The following ARHGAP8 variants were observed in gnomAD, a reference collection of about 807,000 sequenced individuals.
The protein encoded by ARHGAP8 is rho GTPase-activating protein 8.
A neutral mutation model predicts 46.1 loss-of-function variants in ARHGAP8; 62 were observed. The ratio of observed to expected loss-of-function variants is 1.34; its 90% CI spans 1.10 to 1.66. The LOEUF (loss-of-function observed/expected upper bound fraction) is 1.66. Ranked by LOEUF, ARHGAP8 falls within the 40% of genes most tolerant of loss-of-function variation. ARHGAP8 has a pLI of 0.00. For missense variants in ARHGAP8, 923 were observed against 568.4 expected, an observed-to-expected ratio of 1.62 and a Z score of -6.34; for synonymous variants, 375 against 243.1, an observed-to-expected ratio of 1.54 and a Z score of -5.05.
chr22:44,790,756 G>A (rs1349207369), intron 2 of ARHGAP8, among the ~76,000 whole-genome samples: 1 of 144,144 alleles, frequency 6.9e-6, no homozygotes. Context: ...TTTTGGAGAC[G>A]GAGTCTTGCA....
intron 7 of ARHGAP8, among the ~76,000 whole-genome samples, chr22:44,839,787 C>T (rs893092723): frequency 6.6e-6 from 1 of 152,238 alleles, no homozygotes; most frequent in Non-Finnish European, 1.5e-5. Context: ...TACCTGTTAC[C>T]ACTTCACAGA....
intron 3 of ARHGAP8, 47 bp downstream of exon 3, chr22:44,802,211 C>G (rs764520838): frequency 6.2e-7 from 1 of 1,606,350 alleles, no homozygotes; most frequent in East Asian, 2.2e-5. Context: ...CTCCATGTTG[C>G]TTGTCCCCAT....
chr22:44,801,965 C>T lies in ARHGAP8; in HGVS notation c.80-112C>T, dbSNP rs527854693. Reference sequence around the variant, plus strand: ...GTGTCGCCTCCGAGGAACGCTGCTGCCTGTGCCTCCCAGCTCGGGCTGGAC... The same window carrying T: ...GTGTCGCCTCCGAGGAACGCTGCTGTCTGTGCCTCCCAGCTCGGGCTGGAC... On this transcript the variant is annotated intron_variant, in intron 2 of 11. Transcript: ENST00000356099. The T allele has an allele frequency of 2.0e-5, 26 of 1,272,344 alleles. No homozygotes were observed. The East Asian group carries it at 5.4e-4, about 26-fold the overall frequency. The allele number at this position is 1,272,344 out of a possible 1,614,324, so 78.8% of individuals were successfully genotyped here.
At chr22:44,813,116 C>G (rs1389695435) in intron 4 of ARHGAP8, among the ~76,000 whole-genome samples, 2 of 152,094 alleles carry the variant, frequency 1.3e-5, no homozygotes, top group Admixed American at 6.6e-5. Context: ...CGCCCTGGCT[C>G]CCTGTAGTGG....
At chr22:44,838,224 G>A (rs868538221) in intron 7 of ARHGAP8, among the ~76,000 whole-genome samples, 17 of 150,920 alleles carry the variant, frequency 1.1e-4, no homozygotes, top group African/African-American at 3.4e-4. Flanking sequence ...TGCAACCTCC[G>A]CCTCCCGGGT....
chr22:44,830,342 T>C (rs1016635528), intron 7 of ARHGAP8, among the ~76,000 whole-genome samples: 1 of 151,518 alleles, frequency 6.6e-6, no homozygotes, highest in African/African-American at 2.4e-5. Context: ...TTTTTATTTT[T>C]ATTTTTTTAG....
chr22:44,790,676 CAAAA>C (rs369579126), intron 2 of ARHGAP8, among the ~76,000 whole-genome samples: 32 of 49,608 alleles, frequency 6.5e-4, no homozygotes, highest in African/African-American at 1.9e-3. Flanking sequence ...AACTCTGTCT[CAAAA>C]AAAAAAAAAA....
chr22:44,787,952 T>C (rs1268710009), intron 2 of ARHGAP8, among the ~76,000 whole-genome samples: 2 of 120,830 alleles, frequency 1.7e-5, no homozygotes, highest in Non-Finnish European at 3.5e-5. Flanking sequence ...CCCCCAAATG[T>C]CCTTTTAAGA....
intron 5 of ARHGAP8, among the ~76,000 whole-genome samples, chr22:44,821,640 AG>A (rs1266200408): frequency 3.9e-5 from 6 of 152,222 alleles, no homozygotes; most frequent in Non-Finnish European, 8.8e-5. Flanking sequence ...TACTAATAGC[AG>A]TCGTCACAGC....
chr22:44,859,625 C>A (rs1259438274), intron 10 of ARHGAP8, 106 bp from the exon 11 acceptor site: 2 of 1,229,458 alleles, frequency 1.6e-6, no homozygotes, highest in Non-Finnish European at 2.3e-6. Flanking sequence ...TGGGATAGTC[C>A]ATCCTCAGAG....
chr22:44,848,760 G>A (rs1402669914), intron 9 of ARHGAP8, among the ~76,000 whole-genome samples, 172 bp from the exon 10 acceptor site: 1 of 152,102 alleles, frequency 6.6e-6, no homozygotes, highest in Admixed American at 6.5e-5. Flanking sequence ...GGGCTGATGG[G>A]GCCAGAGCAC....
chr22:44,765,359 C>A (rs1016748188), intron 1 of ARHGAP8: 1 of 152,410 alleles, frequency 6.6e-6, no homozygotes, highest in African/African-American at 2.4e-5. Flanking sequence ...CCTGGTGCCC[C>A]CAGAAGTTTG....
intron 7 of ARHGAP8, among the ~76,000 whole-genome samples, chr22:44,838,381 C>G (rs1444518678): frequency 6.6e-6 from 1 of 152,154 alleles, no homozygotes; most frequent in Non-Finnish European, 1.5e-5. Flanking sequence ...CGTGATCTGC[C>G]CATGTCTGCC....
intron 11 of ARHGAP8, 80 bp downstream of exon 11, chr22:44,859,914 C>A: frequency 6.6e-7 from 1 of 1,504,986 alleles, no homozygotes. Flanking sequence ...CCAGTCCCCT[C>A]CTTGCCCTGG....
intron 4 of ARHGAP8, 143 bp downstream of exon 4, chr22:44,808,581 G>A: frequency 6.8e-7 from 1 of 1,461,148 alleles, no homozygotes; most frequent in Non-Finnish European, 9.2e-7. Flanking sequence ...ATGTGGGGCA[G>A]TGGAGGTTCA....
chr22:44,791,560 C>A (rs993376802), intron 2 of ARHGAP8, among the ~76,000 whole-genome samples: 1 of 152,018 alleles, frequency 6.6e-6, no homozygotes, highest in African/African-American at 2.4e-5. Flanking sequence ...ACAAATTAGC[C>A]GGGCGTGATG....
rs1210417742 is a variant in ARHGAP8, at chr22:44,862,340, T to G, written c.1047T>G (p.Asn349Lys). ...ACCTGGCCTGTGTCTTCGGGCTGAATTTGATCTGGCCATCCCAGGGGGTCT... is the reference window on the plus strand; with the variant it reads ...ACCTGGCCTGTGTCTTCGGGCTGAAGTTGATCTGGCCATCCCAGGGGGTCT... ...SSNLACVFGLNLIWPSQGVSS... is the reference protein window; with the variant it reads ...SSNLACVFGLKLIWPSQGVSS... Residue 349 changes from asparagine to lysine, a missense_variant, in exon 12 of 12, where the codon AAT becomes AAG. Coordinates refer to ENST00000356099, the MANE Select transcript of ARHGAP8 (RefSeq NM_181335.3). The G allele has an allele frequency of 6.2e-7, 1 of 1,614,006 alleles. No homozygotes were observed. Among genetic ancestry groups the G allele is most frequent in the South Asian group, 1.1e-5 (1 of 91,058 alleles).
chr22:44,859,258 G>C (rs140300246), intron 10 of ARHGAP8, among the ~76,000 whole-genome samples: 55 of 152,296 alleles, frequency 3.6e-4, no homozygotes, highest in African/African-American at 1.2e-3. Context: ...ACTGGTGGCA[G>C]GTGATTGGAT....
intron 3 of ARHGAP8, among the ~76,000 whole-genome samples, chr22:44,804,068 T>C (rs557526294): frequency 6.6e-6 from 1 of 151,754 alleles, no homozygotes; most frequent in Non-Finnish European, 1.5e-5. Context: ...CTCTTAGGTC[T>C]GCCTGCTTCC....
Sources: gnomAD v4.1 joint callset for allele counts (sites outside exome capture counted in the v4.1 genomes callset) on GRCh38, gnomAD v4.1.1 for gene constraint, MANE v1.5 for transcripts, NCBI Gene and HGNC (gene_info 2026-07-23, HGNC 2026-07-21) for gene names.